Variants in PRKG1 observed in about 807,000 individuals in gnomAD.
PRKG1 encodes the protein protein kinase cGMP-dependent 1.
Under a neutral mutation model 88.1 loss-of-function variants are expected in PRKG1, and 35 were observed. That is an observed-to-expected ratio of 0.40 (90% CI 0.30 to 0.53). The LOEUF is 0.53. Ranked by LOEUF, PRKG1 falls within the 20% of genes least tolerant of loss-of-function variation. The probability of loss-of-function intolerance (pLI) is 0.59; values close to 1 mark genes in which losing one functional copy is unlikely to be tolerated. For synonymous variants in PRKG1, 303 were observed against 292.5 expected (o/e 1.04, Z -0.37); for missense variants, 540 against 839.8 (o/e 0.64, Z 4.41).
chr10:51,024,008 A>G (rs914487358), intron 1 of PRKG1, among the ~76,000 whole-genome samples: 1 of 152,206 alleles, frequency 6.6e-6, no homozygotes, highest in Non-Finnish European at 1.5e-5. Flanking sequence ...TTTTCAACAT[A>G]TCAGAATAAT....
chr10:52,179,071 T>C (rs1284714232), intron 9 of PRKG1, among the ~76,000 whole-genome samples: 2 of 152,142 alleles, frequency 1.3e-5, no homozygotes, highest in Non-Finnish European at 2.9e-5. Flanking sequence ...TTGTTTTGTA[T>C]ATCCTTTGTT....
intron 5 of PRKG1, among the ~76,000 whole-genome samples, chr10:51,980,484 T>C (rs1028890356): frequency 6.6e-6 from 1 of 152,172 alleles, no homozygotes; most frequent in Non-Finnish European, 1.5e-5. Flanking sequence ...TTCTGTAGAA[T>C]TTCTATCAGG....
Position 52,067,981 on chromosome 10 carries a change from G to T in PRKG1, c.935+5350G>T, listed in dbSNP as rs1261823697. On this transcript the variant is annotated intron_variant, in intron 7 of 17. Coordinates refer to ENST00000373980, the MANE Select transcript of PRKG1 (RefSeq NM_006258.4). Reference sequence around the variant, plus strand: ...GCACTTTGGGAGGCCGAGACGGGCGGATCACGAGGTCAGGAGATCGAGACC... The same window carrying T: ...GCACTTTGGGAGGCCGAGACGGGCGTATCACGAGGTCAGGAGATCGAGACC... Among the ~76,000 whole-genome samples, 8 of 105,394 alleles carry T rather than the reference G, an allele frequency of 7.6e-5. 1 individual carries two copies. The highest frequency in any genetic ancestry group is 2.1e-4 in the African/African-American group (8 of 37,490). 69.1% of individuals were successfully genotyped at this position (105,394 alleles called of 152,430 possible). A position where few individuals can be genotyped will look rare whatever the true frequency, so the allele number is the denominator to read the frequency against.
chr10:51,464,629 C>T (rs549203812), intron 2 of PRKG1, among the ~76,000 whole-genome samples: 4 of 151,930 alleles, frequency 2.6e-5, no homozygotes, highest in Non-Finnish European at 4.4e-5. Flanking sequence ...CGGTGGCTCA[C>T]GCCTGTAATC....
At chr10:51,827,141 T>A (rs1044497931) in intron 4 of PRKG1, among the ~76,000 whole-genome samples, 1 of 152,172 alleles carries the variant, frequency 6.6e-6, no homozygotes, top group African/African-American at 2.4e-5. Flanking sequence ...CACAATTGTA[T>A]GTTTGTTTAT....
Position 51,855,607 on chromosome 10 carries a change from T to G in PRKG1, c.698+50917T>G, listed in dbSNP as rs72799469. ...TGCTTCTAAATCCCAGGCAACAAAT[T>G]ATTTTCTCCTATTTAAGGGACCTCA... On this transcript the variant is annotated intron_variant, in intron 4 of 17. Coordinates refer to ENST00000373980, the MANE Select transcript of PRKG1 (RefSeq NM_006258.4). Among the ~76,000 whole-genome samples the G allele has an allele frequency of 7.7e-3, 1,174 of 152,264 alleles. 11 individuals carry two copies. The highest frequency in any genetic ancestry group is 0.011 in the Non-Finnish European group (763 of 68,020).
intron 5 of PRKG1, among the ~76,000 whole-genome samples, chr10:51,960,833 C>T (rs549480948): frequency 6.6e-6 from 1 of 152,196 alleles, no homozygotes; most frequent in South Asian, 2.1e-4. Flanking sequence ...GTGGTTCTGC[C>T]AACAAAGAGC....
chr10:51,659,906 G>C (rs372732384), intron 3 of PRKG1, among the ~76,000 whole-genome samples: 1 of 151,836 alleles, frequency 6.6e-6, no homozygotes, highest in Non-Finnish European at 1.5e-5. Context: ...TTTCCATCAT[G>C]AACATCAAAG....
chr10:52,054,405 G>C, intron 5 of PRKG1, 79 bp from the exon 6 acceptor site: 2 of 991,028 alleles, frequency 2.0e-6, no homozygotes, highest in Non-Finnish European at 3.2e-6. Context: ...TATCCCTGGG[G>C]GTTGATATTT....
chr10:51,651,176 T>G (rs142099255), intron 3 of PRKG1, among the ~76,000 whole-genome samples: 33 of 152,296 alleles, frequency 2.2e-4, no homozygotes, highest in African/African-American at 7.0e-4. Context: ...GAAACTGTCA[T>G]TGGTTTCCAT....
chr10:51,762,783 T>G (rs1838053719), intron 3 of PRKG1, among the ~76,000 whole-genome samples: 2 of 152,222 alleles, frequency 1.3e-5, no homozygotes, highest in African/African-American at 4.8e-5. Flanking sequence ...ATTTTTAATA[T>G]CTGCCAGCAA....
intron 2 of PRKG1, among the ~76,000 whole-genome samples, chr10:51,248,534 G>C (rs1480326186): frequency 1.3e-5 from 2 of 151,628 alleles, no homozygotes; most frequent in Non-Finnish European, 2.9e-5. Context: ...CATTAAATCA[G>C]GTTTGTACAA....
At chr10:51,878,250 A>AGGTGTG (rs142689633) in intron 4 of PRKG1, among the ~76,000 whole-genome samples, 1 of 150,856 alleles carries the variant, frequency 6.6e-6, no homozygotes, top group Non-Finnish European at 1.5e-5. Context: ...GTGTGAATAT[A>AGGTGTG]TGTGTGTGTG....
chr10:52,021,513 A>C (rs1470728757), intron 5 of PRKG1, among the ~76,000 whole-genome samples: 2 of 152,252 alleles, frequency 1.3e-5, no homozygotes, highest in African/African-American at 4.8e-5. Flanking sequence ...AAGATGTTCA[A>C]CATTACTATT....
intron 1 of PRKG1, among the ~76,000 whole-genome samples, chr10:51,088,959 A>T (rs1217253925): frequency 6.6e-6 from 1 of 152,140 alleles, no homozygotes; most frequent in African/African-American, 2.4e-5. Flanking sequence ...TTGGTATTGC[A>T]TTTGGATGCT....
At chr10:51,041,175 G>A (rs1843415463) in intron 1 of PRKG1, among the ~76,000 whole-genome samples, 1 of 152,082 alleles carries the variant, frequency 6.6e-6, no homozygotes, top group South Asian at 2.1e-4. Context: ...TCTTCAATCA[G>A]CTTGTGGTGA....
At chr10:51,876,385 AC>A (rs1841300590) in intron 4 of PRKG1, among the ~76,000 whole-genome samples, 2 of 152,130 alleles carry the variant, frequency 1.3e-5, no homozygotes, top group Admixed American at 1.3e-4. Context: ...TGCTTAATCT[AC>A]CTGTTTATAA....
At chr10:51,387,974 G>A (rs552145351) in intron 2 of PRKG1, among the ~76,000 whole-genome samples, 21 of 152,186 alleles carry the variant, frequency 1.4e-4, no homozygotes, top group Admixed American at 5.2e-4. Context: ...AAGAATGTCA[G>A]CTTTGAAGTT....
At chr10:51,795,627 A>G (rs545714221) in intron 3 of PRKG1, among the ~76,000 whole-genome samples, 1 of 152,166 alleles carries the variant, frequency 6.6e-6, no homozygotes, top group South Asian at 2.1e-4. Context: ...GTCTCTCCCA[A>G]TCTTCTTATT....
Sources: gnomAD v4.1 joint callset for allele counts (sites outside exome capture counted in the v4.1 genomes callset) on GRCh38, gnomAD v4.1.1 for gene constraint, MANE v1.5 for transcripts, NCBI Gene and HGNC (gene_info 2026-07-23, HGNC 2026-07-21) for gene names.